COMMD1: variants seen among roughly 807,000 people sequenced by gnomAD.
COMMD1 encodes the protein copper metabolism domain containing 1.
In COMMD1, 10 loss-of-function variants were observed where a neutral mutation model predicts 17.2. The ratio of observed to expected loss-of-function variants is 0.58; its 90% CI spans 0.36 to 0.99. COMMD1 has a LOEUF of 0.99. Ranked by LOEUF, COMMD1 falls within the 50% of genes least tolerant of loss-of-function variation. The pLI is 0.01. For missense variants in COMMD1, 270 were observed against 231.8 expected, an observed-to-expected ratio of 1.17 and a Z score of -1.07; for synonymous variants, 97 against 91.6, an observed-to-expected ratio of 1.06 and a Z score of -0.34.
At chr2:61,969,941 G>T (rs868188126) in intron 1 of COMMD1, among the ~76,000 whole-genome samples, 1 of 151,852 alleles carries the variant, frequency 6.6e-6, no homozygotes, top group Non-Finnish European at 1.5e-5. Flanking sequence ...AGTGGAAAAA[G>T]AGTTATTTCC....
At chr2:62,110,953 T>C (rs1238893674) in intron 2 of COMMD1, among the ~76,000 whole-genome samples, 1 of 151,014 alleles carries the variant, frequency 6.6e-6, no homozygotes, top group Non-Finnish European at 1.5e-5. Flanking sequence ...AAAAAAAGAG[T>C]GGGGAAAGGC....
At chr2:61,914,472 C>T (rs1669998134) in intron 1 of COMMD1, among the ~76,000 whole-genome samples, 1 of 151,580 alleles carries the variant, frequency 6.6e-6, no homozygotes. Flanking sequence ...ATTTGGGAGG[C>T]TGAGGCAGGA....
upstream of COMMD1, chr2:61,888,560 T>C: frequency 5.7e-6 from 9 of 1,585,250 alleles, no homozygotes; most frequent in South Asian, 1.0e-4. Context: ...GGACCCGGAT[T>C]CTGGCCGGCC....
At chr2:61,901,867 C>A (rs1219499625), upstream of COMMD1, among the ~76,000 whole-genome samples, 1 of 152,072 alleles carries the variant, frequency 6.6e-6, no homozygotes, top group Non-Finnish European at 1.5e-5. Flanking sequence ...CGGAATCTTG[C>A]TCTGTCACCA....
intron 1 of COMMD1, among the ~76,000 whole-genome samples, chr2:61,923,811 A>G (rs1033171120): frequency 2.6e-5 from 4 of 152,074 alleles, no homozygotes; most frequent in East Asian, 1.9e-4. Context: ...GTCTGGCTCT[A>G]TTGCCCAGGC....
intron 1 of COMMD1, among the ~76,000 whole-genome samples, chr2:61,963,189 A>ATAT (rs1671409827): frequency 2.3e-5 from 3 of 130,316 alleles, no homozygotes; most frequent in African/African-American, 1.0e-4. Flanking sequence ...TATATATTAT[A>ATAT]TACACACACA....
chr2:62,048,978 T>C (rs1558577139), intron 2 of COMMD1, among the ~76,000 whole-genome samples: 1 of 152,196 alleles, frequency 6.6e-6, no homozygotes, highest in Non-Finnish European at 1.5e-5. Context: ...GGTCACATCA[T>C]AGTCTTAATA....
chr2:61,964,021 A>G (rs1236461130), intron 1 of COMMD1, among the ~76,000 whole-genome samples: 2 of 152,098 alleles, frequency 1.3e-5, no homozygotes, highest in Non-Finnish European at 2.9e-5. Context: ...TCGGTTTCCA[A>G]CCTGTTTTCC....
intron 1 of COMMD1, among the ~76,000 whole-genome samples, chr2:61,914,783 T>A (rs1322968008): frequency 6.6e-6 from 1 of 150,634 alleles, no homozygotes; most frequent in Non-Finnish European, 1.5e-5. Context: ...CTCCGCATCC[T>A]GGGTTCAAGC....
intron 1 of COMMD1, 131 bp downstream of exon 1, chr2:61,905,989 G>A (rs1669763183): frequency 1.4e-5 from 12 of 865,936 alleles, no homozygotes; most frequent in Non-Finnish European, 2.3e-5. Flanking sequence ...CCACTCCGTG[G>A]GCTCCACATC....
At chr2:62,109,919 C>CTTTTTTTTTTTTT (rs11345736) in intron 2 of COMMD1, among the ~76,000 whole-genome samples, 3 of 73,880 alleles carry the variant, frequency 4.1e-5, no homozygotes, top group Non-Finnish European at 7.3e-5. Flanking sequence ...TTATCTTGAT[C>CTTTTTTTTTTTTT]TTTTTTTTTT....
At chr2:61,904,863 G>A (rs1669733432), upstream of COMMD1, among the ~76,000 whole-genome samples, 1 of 152,124 alleles carries the variant, frequency 6.6e-6, no homozygotes, top group Admixed American at 6.6e-5. Context: ...TCCAGATTCT[G>A]CCAACTATTA....
intron 1 of COMMD1, among the ~76,000 whole-genome samples, chr2:61,961,372 G>C (rs1671340369): frequency 1.3e-5 from 2 of 152,254 alleles, no homozygotes; most frequent in South Asian, 4.1e-4. Flanking sequence ...ACACAACAAA[G>C]AAAGAAAAGG....
rs917184241 is a variant in COMMD1, at chr2:61,950,357, G to A, written c.180+44499G>A. ...GTTGTTGGGGACCTGCACATTATCC[G>A]ATAATAGGCAGGTTGATAGGAGAAA... On this transcript the variant is annotated intron_variant, in intron 1 of 2. Transcript: ENST00000311832. Among the ~76,000 whole-genome samples, 3 of 152,210 alleles carry A rather than the reference G, an allele frequency of 2.0e-5. No individual in the cohort carries two copies. The South Asian group carries it at 6.2e-4, about 32-fold the overall frequency.
At chr2:61,934,040 C>T (rs1015105745) in intron 1 of COMMD1, among the ~76,000 whole-genome samples, 1 of 152,132 alleles carries the variant, frequency 6.6e-6, no homozygotes, top group Non-Finnish European at 1.5e-5. Context: ...GCTGGGATTA[C>T]AGGTATGAGC....
intron 2 of COMMD1, among the ~76,000 whole-genome samples, chr2:62,061,482 T>A (rs1195042468): frequency 6.6e-6 from 1 of 152,168 alleles, no homozygotes; most frequent in African/African-American, 2.4e-5. Context: ...CAGAGTTTAC[T>A]TGTCAGCCAG....
At chr2:61,995,858 G>A (rs1467315958) in intron 1 of COMMD1, among the ~76,000 whole-genome samples, 1 of 152,160 alleles carries the variant, frequency 6.6e-6, no homozygotes, top group Non-Finnish European at 1.5e-5. Context: ...TGAGGGTCAA[G>A]TGCAGTAATA....
chr2:62,041,710 C>A (rs185641189), intron 2 of COMMD1, among the ~76,000 whole-genome samples: 1 of 152,082 alleles, frequency 6.6e-6, no homozygotes, highest in African/African-American at 2.4e-5. Flanking sequence ...AGAATGAAGC[C>A]GCGGACCCTC....
At chr2:62,119,354 A>G (rs1672684328) in intron 2 of COMMD1, among the ~76,000 whole-genome samples, 1 of 152,186 alleles carries the variant, frequency 6.6e-6, no homozygotes, top group Admixed American at 6.5e-5. Context: ...GCAAACTAAT[A>G]CAGAGAATAA....
Sources: allele counts gnomAD v4.1 joint callset (sites outside exome capture counted in the v4.1 genomes callset), GRCh38; gene constraint gnomAD v4.1.1; transcripts MANE v1.5; gene names NCBI Gene and HGNC (gene_info 2026-07-23, HGNC 2026-07-21).